LRRC4C: variants seen among roughly 807,000 people sequenced by gnomAD.
LRRC4C encodes leucine-rich repeat-containing protein 4C.
LRRC4C carries 5 observed loss-of-function variants against 33.6 expected under a neutral mutation model. The ratio of observed to expected loss-of-function variants is 0.15; its 90% CI spans 0.08 to 0.31. The LOEUF is 0.31. Ranked by LOEUF, LRRC4C falls within the 10% of genes least tolerant of loss-of-function variation. The pLI is 1.00. For missense variants in LRRC4C, 560 were observed against 796.7 expected (o/e 0.70, Z 3.58); for synonymous variants, 329 against 302.0 (o/e 1.09, Z -0.93).
intron 1 of LRRC4C, among the ~76,000 whole-genome samples, chr11:41,298,041 C>T (rs567161384): frequency 1.3e-3 from 205 of 152,116 alleles, no homozygotes; most frequent in African/African-American, 4.9e-3. Flanking sequence ...ATAGGAATAC[C>T]GACAGGTAAG....
chr11:40,229,664 G>A (rs1043893866), intron 5 of LRRC4C, among the ~76,000 whole-genome samples: 3 of 152,098 alleles, frequency 2.0e-5, no homozygotes, highest in Admixed American at 6.6e-5. Flanking sequence ...ATAAAATAAA[G>A]CTGTCATTTC....
At chr11:40,673,163 A>T (rs1024529342) in intron 2 of LRRC4C, among the ~76,000 whole-genome samples, 1 of 152,164 alleles carries the variant, frequency 6.6e-6, no homozygotes, top group Non-Finnish European at 1.5e-5. Flanking sequence ...AAAGTTTATT[A>T]TGGTGAAACC....
At chr11:40,823,721 C>A (rs1952039734) in intron 2 of LRRC4C, among the ~76,000 whole-genome samples, 1 of 151,740 alleles carries the variant, frequency 6.6e-6, no homozygotes, top group South Asian at 2.1e-4. Flanking sequence ...CTGGAATGCT[C>A]ATATATTGCC....
intron 6 of LRRC4C, among the ~76,000 whole-genome samples, chr11:40,123,412 A>G (rs926923648): frequency 6.6e-6 from 1 of 152,192 alleles, no homozygotes; most frequent in Non-Finnish European, 1.5e-5. Flanking sequence ...TACAAAATCA[A>G]CATACAAAAA....
At chr11:41,411,576 A>G (rs367749443) in intron 1 of LRRC4C, among the ~76,000 whole-genome samples, 4 of 152,236 alleles carry the variant, frequency 2.6e-5, no homozygotes, top group East Asian at 3.9e-4. Flanking sequence ...TGTGAAAACA[A>G]GATTCTATTC....
chr11:40,817,615 C>T (rs1022188030), intron 2 of LRRC4C, among the ~76,000 whole-genome samples: 1 of 152,126 alleles, frequency 6.6e-6, no homozygotes, highest in Non-Finnish European at 1.5e-5. Context: ...TCTTCTCCTG[C>T]TCTCTTTTCC....
intron 3 of LRRC4C, among the ~76,000 whole-genome samples, chr11:40,533,277 A>C (rs1181114893): frequency 6.6e-6 from 1 of 152,222 alleles, no homozygotes; most frequent in Non-Finnish European, 1.5e-5. Flanking sequence ...TCTCTAGATC[A>C]GAAAATCCTA....
rs367773052 is a variant in LRRC4C at position 40,554,850 on chromosome 11, T to C, written c.-270+93292A>G. Reference sequence around the variant, plus strand: ...CATTCTCCTGCCTCAGCCTCCCGAGTAGCTGGGACTACAGACGCCCGCTAC... The same window carrying C: ...CATTCTCCTGCCTCAGCCTCCCGAGCAGCTGGGACTACAGACGCCCGCTAC... On this transcript the variant is annotated intron_variant, in intron 3 of 6. Coordinates refer to ENST00000528697, the MANE Select transcript of LRRC4C (RefSeq NM_001258419.2). 2.5e-4 allele frequency among the ~76,000 whole-genome samples: 37 copies of C among 145,184 alleles called. 3 individuals carry two copies. Among genetic ancestry groups the C allele is most frequent in the African/African-American group, 1.0e-3 (37 of 36,820 alleles).
intron 4 of LRRC4C, among the ~76,000 whole-genome samples, chr11:40,244,744 G>A (rs978509080): frequency 6.7e-6 from 1 of 149,996 alleles, no homozygotes; most frequent in South Asian, 2.1e-4. Flanking sequence ...TTTTTTTTTT[G>A]GCCCTGAAGT....
intron 3 of LRRC4C, among the ~76,000 whole-genome samples, chr11:40,411,743 C>T (rs2137646451): frequency 6.6e-6 from 1 of 151,964 alleles, no homozygotes; most frequent in Non-Finnish European, 1.5e-5. Flanking sequence ...TATATATTAC[C>T]TTGTAATAAA....
intron 1 of LRRC4C, among the ~76,000 whole-genome samples, chr11:41,103,216 G>A (rs763170315): frequency 6.6e-6 from 1 of 151,552 alleles, no homozygotes; most frequent in Non-Finnish European, 1.5e-5. Flanking sequence ...TCCTAATATT[G>A]GTAATGATAT....
At chr11:40,499,965 C>G (rs1170002173) in intron 3 of LRRC4C, among the ~76,000 whole-genome samples, 2 of 152,068 alleles carry the variant, frequency 1.3e-5, no homozygotes, top group Non-Finnish European at 2.9e-5. Context: ...GGGTGTTTTT[C>G]ATGGTGGGCC....
intron 2 of LRRC4C, among the ~76,000 whole-genome samples, chr11:40,770,684 G>C (rs186835081): frequency 2.0e-5 from 3 of 152,192 alleles, no homozygotes; most frequent in African/African-American, 4.8e-5. Context: ...TATAATGAGG[G>C]TATAGGTACT....
chr11:40,924,413 TA>T (rs977186998), intron 2 of LRRC4C, among the ~76,000 whole-genome samples: 1 of 149,798 alleles, frequency 6.7e-6, no homozygotes, highest in African/African-American at 2.5e-5. Flanking sequence ...TAGCAAAAGC[TA>T]AAAAATACTG....
At chr11:40,896,156 T>C (rs1411211494) in intron 2 of LRRC4C, among the ~76,000 whole-genome samples, 2 of 152,152 alleles carry the variant, frequency 1.3e-5, no homozygotes, top group Non-Finnish European at 2.9e-5. Flanking sequence ...CTAATCATAA[T>C]ATAGGATTTT....
chr11:40,886,804 C>T (rs147820534), intron 2 of LRRC4C, among the ~76,000 whole-genome samples: 2 of 151,864 alleles, frequency 1.3e-5, no homozygotes, highest in Non-Finnish European at 2.9e-5. Flanking sequence ...TGCTCATGCA[C>T]TTTAGTATCC....
intron 1 of LRRC4C, among the ~76,000 whole-genome samples, chr11:41,029,276 T>C (rs1035549150): frequency 8.6e-5 from 13 of 151,744 alleles, no homozygotes; most frequent in Admixed American, 3.3e-4. Context: ...ACATAGCATA[T>C]GCAGTCTGTA....
intron 1 of LRRC4C, among the ~76,000 whole-genome samples, chr11:41,200,096 A>T (rs1054441874): frequency 6.6e-6 from 1 of 151,894 alleles, no homozygotes; most frequent in African/African-American, 2.4e-5. Context: ...CTTTGTAGTA[A>T]TGTCACTTCT....
At chr11:40,917,356 T>C (rs912386492) in intron 2 of LRRC4C, among the ~76,000 whole-genome samples, 2 of 152,156 alleles carry the variant, frequency 1.3e-5, no homozygotes, top group African/African-American at 2.4e-5. Context: ...TTTCAATTTG[T>C]GAATGCTCAT....
Sources: allele counts gnomAD v4.1 joint callset (sites outside exome capture counted in the v4.1 genomes callset), GRCh38; gene constraint gnomAD v4.1.1; transcripts MANE v1.5; gene names NCBI Gene and HGNC (gene_info 2026-07-23, HGNC 2026-07-21).